Variants in CSMD3 observed in about 807,000 individuals in gnomAD.
The protein encoded by CSMD3 is CUB and sushi domain-containing protein 3.
CSMD3 carries 177 observed loss-of-function variants against 435.2 expected under a neutral mutation model. That is an observed-to-expected ratio of 0.41 (90% CI 0.36 to 0.46). The LOEUF is 0.46. CSMD3 is among the 20% of genes least tolerant of loss of function. The pLI is 0.34. For missense variants in CSMD3, 4,265 were observed against 4,504.6 expected, an observed-to-expected ratio of 0.95 and a Z score of 1.52; for synonymous variants, 1,656 against 1,520.5, an observed-to-expected ratio of 1.09 and a Z score of -2.07.
At chr8:113,205,538 C>T (rs919792236) in intron 3 of CSMD3, among the ~76,000 whole-genome samples, 4 of 152,108 alleles carry the variant, frequency 2.6e-5, no homozygotes, top group African/African-American at 9.7e-5. Context: ...TGTGTATGTA[C>T]ACTCTATGAT....
intron 3 of CSMD3, among the ~76,000 whole-genome samples, chr8:113,221,937 C>G (rs1230045775): frequency 1.3e-5 from 2 of 151,202 alleles, no homozygotes; most frequent in Non-Finnish European, 3.0e-5. Flanking sequence ...TTGTTTTATT[C>G]CCTACTACAA....
At chr8:113,231,052 T>C (rs1179747281) in intron 3 of CSMD3, among the ~76,000 whole-genome samples, 1 of 151,380 alleles carries the variant, frequency 6.6e-6, no homozygotes, top group African/African-American at 2.4e-5. Context: ...CATACTTGCA[T>C]GCATATATGT....
At chr8:112,861,963 C>A (rs967779036) in intron 10 of CSMD3, among the ~76,000 whole-genome samples, 1 of 151,882 alleles carries the variant, frequency 6.6e-6, no homozygotes, top group Non-Finnish European at 1.5e-5. Flanking sequence ...GATGTAGGTA[C>A]GTTTGCTAAA....
At chr8:112,984,881 C>T (rs1168444697) in intron 6 of CSMD3, among the ~76,000 whole-genome samples, 1 of 152,034 alleles carries the variant, frequency 6.6e-6, no homozygotes, top group Non-Finnish European at 1.5e-5. Flanking sequence ...CAATCACATT[C>T]TAAACCATCC....
At chr8:112,418,000 T>G (rs915973492) in intron 32 of CSMD3, among the ~76,000 whole-genome samples, 2 of 152,228 alleles carry the variant, frequency 1.3e-5, no homozygotes, top group African/African-American at 4.8e-5. Context: ...TATTAGGAAC[T>G]GAGCTGGTTT....
At chr8:112,847,152 T>G (rs1408459454) in intron 11 of CSMD3, among the ~76,000 whole-genome samples, 1 of 152,182 alleles carries the variant, frequency 6.6e-6, no homozygotes, top group Non-Finnish European at 1.5e-5. Flanking sequence ...TGTTAGTGCC[T>G]GCTCCATTGT....
chr8:112,773,106 C>T (rs910195644), intron 13 of CSMD3, among the ~76,000 whole-genome samples: 17 of 151,804 alleles, frequency 1.1e-4, no homozygotes, highest in Middle Eastern at 3.4e-3. Context: ...TTCCACCTGA[C>T]GAGAAACGCT....
intron 1 of CSMD3, among the ~76,000 whole-genome samples, chr8:113,335,533 C>CCCT (rs2094066219): frequency 1.1e-5 from 1 of 94,234 alleles, no homozygotes; most frequent in Non-Finnish European, 2.0e-5. Flanking sequence ...CTCTCCTCCT[C>CCCT]CTTCTTTTTT....
rs145771441 is a variant in CSMD3 at position 113,242,296 on chromosome 8, G to C, written c.514+36296C>G. 4.4e-3 allele frequency among the ~76,000 whole-genome samples: 671 copies of C among 151,900 alleles called. 6 individuals carry two copies. Among genetic ancestry groups the C allele is most frequent in the African/African-American group, 0.015 (636 of 41,484 alleles). On this transcript the variant is annotated intron_variant, in intron 3 of 70. Coordinates refer to ENST00000297405, the MANE Select transcript of CSMD3 (RefSeq NM_198123.2). ...GAATAAAATATTAATACAATAAAGA[G>C]GAGCTTTTTTGGTTATTCTAAATGC...
intron 45 of CSMD3, among the ~76,000 whole-genome samples, chr8:112,321,741 A>T (rs776980220): frequency 6.6e-6 from 1 of 152,130 alleles, no homozygotes; most frequent in Non-Finnish European, 1.5e-5. Flanking sequence ...CAGTAGTTTA[A>T]CCTGTTTATA....
intron 11 of CSMD3, among the ~76,000 whole-genome samples, chr8:112,847,272 G>T (rs1425614448): frequency 6.6e-6 from 1 of 152,046 alleles, no homozygotes; most frequent in Non-Finnish European, 1.5e-5. Flanking sequence ...CTCTAAACGT[G>T]TATAGCTATG....
At position 112,800,230 on chromosome 8, in the gene CSMD3, C is replaced by G. The variant is rs1335215139; in HGVS notation, c.1904G>C (p.Ser635Thr). ...CGTTTGAAGGTGCAGCCACATTTGGCTACTCATGCTCACTATCAAGTCTGG... is the reference window on the plus strand; with the variant it reads ...CGTTTGAAGGTGCAGCCACATTTGGGTACTCATGCTCACTATCAAGTCTGG... ...FVPDLIVSMS[S>T]QMWLHLQTDE... The change falls in exon 13 of 71, where the codon AGC becomes ACC. Residue 635 changes from serine to threonine, a missense_variant. By Grantham distance (58) the Ser-to-Thr change is moderately conservative (BLOSUM62 1). This residue lies in a region of CSMD3 where 279 missense variants were observed against 369.0 expected (regional missense o/e 0.76). Coordinates refer to ENST00000297405, the MANE Select transcript of CSMD3 (RefSeq NM_198123.2). 6.2e-7 allele frequency: 1 copy of G among 1,612,964 alleles called. No homozygotes were observed.
At chr8:112,482,839 G>T (rs1819764067) in intron 31 of CSMD3, among the ~76,000 whole-genome samples, 2 of 152,082 alleles carry the variant, frequency 1.3e-5, no homozygotes, top group Non-Finnish European at 1.5e-5. Context: ...CTAATTTCCA[G>T]ACTTTTTCAG....
At chr8:112,820,832 C>A (rs750047573) in intron 12 of CSMD3, among the ~76,000 whole-genome samples, 1 of 152,018 alleles carries the variant, frequency 6.6e-6, no homozygotes, top group South Asian at 2.1e-4. Flanking sequence ...CACCGCCAAC[C>A]AGTTCTGGTG....
chr8:112,989,818 A>C (rs1587837265), intron 6 of CSMD3, among the ~76,000 whole-genome samples: 1 of 151,936 alleles, frequency 6.6e-6, no homozygotes, highest in Admixed American at 6.6e-5. Flanking sequence ...CTTTCCTCAA[A>C]CTGCCACTGA....
chr8:112,298,424 T>C (rs1820554526), intron 53 of CSMD3, among the ~76,000 whole-genome samples: 1 of 152,188 alleles, frequency 6.6e-6, no homozygotes, highest in Admixed American at 6.6e-5. Context: ...ACATTGGAGA[T>C]ATAAAAGTTA....
At chr8:112,431,929 C>T (rs966640033) in intron 32 of CSMD3, among the ~76,000 whole-genome samples, 5 of 152,110 alleles carry the variant, frequency 3.3e-5, no homozygotes, top group Admixed American at 2.6e-4. Context: ...AATCTTTTCT[C>T]TCCTCTCTCT....
chr8:112,497,398 T>C (rs1821463945), intron 30 of CSMD3, among the ~76,000 whole-genome samples: 1 of 151,706 alleles, frequency 6.6e-6, no homozygotes. Flanking sequence ...GATAAATGCT[T>C]GATGTGATGG....
intron 2 of CSMD3, among the ~76,000 whole-genome samples, chr8:113,296,800 C>T (rs192222315): frequency 2.6e-5 from 4 of 152,278 alleles, no homozygotes; most frequent in South Asian, 4.1e-4. Context: ...AACCAGCCAA[C>T]ATTGTCTCTA....
Sources: gnomAD v4.1 joint callset for allele counts (sites outside exome capture counted in the v4.1 genomes callset) on GRCh38, gnomAD v4.1.1 for gene constraint, gnomAD v4.1.1 regional missense constraint, MANE v1.5 for transcripts, NCBI Gene and HGNC (gene_info 2026-07-23, HGNC 2026-07-21) for gene names.